MAPK14: variants seen among roughly 807,000 people sequenced by gnomAD.
MAPK14 encodes CSAID-binding protein.
Under a neutral mutation model 49.6 loss-of-function variants are expected in MAPK14, and 16 were observed. The observed-to-expected ratio is 0.32, with a 90% CI of 0.22 to 0.49. The LOEUF (loss-of-function observed/expected upper bound fraction) is 0.49. Among genes scored for constraint, MAPK14 ranks in the 20% least tolerant of loss-of-function variants. The probability of loss-of-function intolerance (pLI) is 0.99; values close to 1 mark genes in which losing one functional copy is unlikely to be tolerated. For missense variants in MAPK14, 200 were observed against 441.2 expected (o/e 0.45, Z 4.90); for synonymous variants, 142 against 158.0 (o/e 0.90, Z 0.76).
At chr6:36,075,765 T>G in intron 6 of MAPK14, 83 bp from the exon 7 acceptor site, 2 of 1,584,072 alleles carry the variant, frequency 1.3e-6, no homozygotes, top group Non-Finnish European at 1.7e-6. Context: ...CAACAGAGGT[T>G]TGTTTGTTGT....
At chr6:36,096,208 A>G (rs1337398266) in intron 9 of MAPK14, 142 bp downstream of exon 9, 2 of 615,386 alleles carry the variant, frequency 3.2e-6, no homozygotes, top group Non-Finnish European at 5.8e-6. Context: ...GGTATAAGAC[A>G]GTGTGAGTGT....
the MAPK14 span, among the ~76,000 whole-genome samples, chr6:36,122,023 G>A: frequency 6.6e-5 from 10 of 152,230 alleles, no homozygotes; most frequent in Non-Finnish European, 1.2e-4. Flanking sequence ...AATAGAAAAT[G>A]AATGTATCCA....
At chr6:36,073,153 C>T (rs1331526037) in intron 4 of MAPK14, 169 bp downstream of exon 4, 5 of 610,018 alleles carry the variant, frequency 8.2e-6, no homozygotes, top group South Asian at 7.2e-5. Flanking sequence ...TCAGTGACAA[C>T]AGTTACCGAC....
intron 3 of MAPK14, among the ~76,000 whole-genome samples, chr6:36,062,062 C>T (rs1406936632): frequency 6.6e-6 from 1 of 152,178 alleles, no homozygotes; most frequent in Non-Finnish European, 1.5e-5. Flanking sequence ...ACTGCCACCT[C>T]TGCCTCCCAG....
chr6:36,048,186 T>C lies in MAPK14; in HGVS notation c.117-4513T>C, dbSNP rs115857656. The stretch of plus-strand genomic sequence containing the variant: ...ACTCTCAAGTAGCTGGGGTTACAAG[T>C]GTGTGCCACCACACCCCACTAATTT... On this transcript the variant is annotated intron_variant, in intron 1 of 11. Coordinates refer to ENST00000229794, the MANE Select transcript of MAPK14 (RefSeq NM_139012.3). Among the ~76,000 whole-genome samples the C allele has an allele frequency of 6.2e-3, 946 of 151,980 alleles. 11 individuals are homozygous for C. Among genetic ancestry groups the C allele is most frequent in the African/African-American group, 0.022 (893 of 41,408 alleles).
chr6:36,107,228 AAAAAT>A lies in MAPK14; in HGVS notation c.842-217_842-213del, dbSNP rs1342915698. Among the ~76,000 whole-genome samples the A allele has an allele frequency of 2.8e-4, 42 of 151,496 alleles. No homozygotes were observed. The highest frequency in any genetic ancestry group is 9.7e-4 in the African/African-American group (40 of 41,208). The stretch of plus-strand genomic sequence containing the variant: ...AAATGTGCACATGTACCCCCAAATC[AAAAAT>A]AAAATAAAAAAATTTTAAAACATAG... On this transcript the variant is annotated intron_variant, in intron 10 of 11. Coordinates refer to ENST00000229794, the MANE Select transcript of MAPK14 (RefSeq NM_139012.3). The surrounding 1 kb of genome is among the most constrained non-coding windows in gnomAD (Gnocchi z 4.3).
At chr6:36,124,138 CCCTCCCTCCCTCCCTT>C in the MAPK14 span, among the ~76,000 whole-genome samples, 4 of 76,368 alleles carry the variant, frequency 5.2e-5, no homozygotes, top group African/African-American at 1.4e-4. Context: ...CTCCCTCCCT[CCCTCCCTCCCTCCCTT>C]CCTTCCTTCC....
At chr6:36,083,335 A>AC (rs1562137442) in intron 8 of MAPK14, among the ~76,000 whole-genome samples, 1 of 152,180 alleles carries the variant, frequency 6.6e-6, no homozygotes, top group Non-Finnish European at 1.5e-5. Flanking sequence ...GATCTGTGCA[A>AC]CCTGTGATTC....
chr6:36,095,672 G>A (rs982658879), intron 8 of MAPK14, among the ~76,000 whole-genome samples: 10 of 152,222 alleles, frequency 6.6e-5, no homozygotes, highest in African/African-American at 2.4e-4. Context: ...GTTTTCACCT[G>A]CTGTCTTTGG....
At chr6:36,082,074 C>T (rs1764787897) in intron 8 of MAPK14, among the ~76,000 whole-genome samples, 2 of 152,166 alleles carry the variant, frequency 1.3e-5, no homozygotes, top group South Asian at 4.1e-4. Context: ...GTTGATCTTA[C>T]ACCCTGCAAA....
intron 1 of MAPK14, among the ~76,000 whole-genome samples, chr6:36,029,347 A>G (rs926095470): frequency 1.3e-5 from 2 of 152,182 alleles, no homozygotes; most frequent in Non-Finnish European, 2.9e-5. Flanking sequence ...TTACACCGTG[A>G]GTGTGTTTTA....
chr6:36,039,786 C>G, intron 1 of MAPK14, among the ~76,000 whole-genome samples: 1 of 152,120 alleles, frequency 6.6e-6, no homozygotes, highest in East Asian at 1.9e-4. Flanking sequence ...GGGCGGATCA[C>G]TTGAGGTCAG....
At chr6:36,065,717 T>A (rs560558679) in intron 3 of MAPK14, among the ~76,000 whole-genome samples, 4 of 152,226 alleles carry the variant, frequency 2.6e-5, no homozygotes, top group Admixed American at 2.0e-4. Context: ...GTTTTACTTT[T>A]ATGTGGGATG....
At chr6:36,055,811 T>G (rs1265246075) in intron 2 of MAPK14, among the ~76,000 whole-genome samples, 1 of 151,774 alleles carries the variant, frequency 6.6e-6, no homozygotes, top group East Asian at 1.9e-4. Flanking sequence ...AATGAATAGA[T>G]TCCTAAAATA....
chr6:36,101,732 A>G (rs1765645859), intron 9 of MAPK14, among the ~76,000 whole-genome samples: 1 of 152,070 alleles, frequency 6.6e-6, no homozygotes, highest in Admixed American at 6.6e-5. Context: ...GGCTGGTCTC[A>G]AAGTCCTGGG....
chr6:36,098,143 G>T (rs1325344413), intron 9 of MAPK14: 1 of 152,164 alleles, frequency 6.6e-6, no homozygotes, highest in Non-Finnish European at 1.5e-5. Flanking sequence ...AAGGAGTGCA[G>T]TAAATAGCCA....
rs1234785338 is a variant in MAPK14, at chr6:36,109,810, C to G, written c.*1363C>G. On this transcript the variant is annotated 3_prime_UTR_variant, in exon 12 of 12. Transcript: ENST00000229794. Reference sequence around the variant, plus strand: ...ATTAAAGCCCATAAGGCCAGAAACTCCTTTTGCTGTCTTTCTCTAAATATG... The same window carrying G: ...ATTAAAGCCCATAAGGCCAGAAACTGCTTTTGCTGTCTTTCTCTAAATATG... 2 of 152,580 alleles carry G rather than the reference C, an allele frequency of 1.3e-5. No individual in the cohort carries two copies. The highest frequency in any genetic ancestry group is 1.3e-4 in the Admixed American group (2 of 15,288). The allele number at this position is 152,580 out of a possible 1,614,324, so 9.5% of individuals were successfully genotyped here.
At chr6:36,088,738 T>A (rs1174101605) in intron 8 of MAPK14, among the ~76,000 whole-genome samples, 13 of 142,854 alleles carry the variant, frequency 9.1e-5, no homozygotes, top group East Asian at 6.1e-4. Context: ...AAAAAAAAAA[T>A]ATTGGCAAAG....
chr6:36,081,908 T>C (rs1764776920), intron 8 of MAPK14, among the ~76,000 whole-genome samples: 2 of 151,548 alleles, frequency 1.3e-5, no homozygotes. Flanking sequence ...TAAGTCTTTA[T>C]TTTTTTTTCA....
Sources: allele counts gnomAD v4.1 joint callset (sites outside exome capture counted in the v4.1 genomes callset), GRCh38; gene constraint gnomAD v4.1.1; non-coding constraint Gnocchi (gnomAD v3.1); transcripts MANE v1.5; gene names NCBI Gene and HGNC (gene_info 2026-07-23, HGNC 2026-07-21).